CDH12: variants seen among roughly 807,000 people sequenced by gnomAD.
CDH12 encodes the protein cadherin 12, also known as cadherin-12.
A neutral mutation model predicts 74.1 loss-of-function variants in CDH12; 41 were observed. That is an observed-to-expected ratio of 0.55 (90% CI 0.43 to 0.72). The LOEUF (loss-of-function observed/expected upper bound fraction) is 0.72. CDH12 is among the 30% of genes least tolerant of loss of function. CDH12 has a pLI of 0.00. For missense variants in CDH12, 945 were observed against 977.2 expected (o/e 0.97, Z 0.44); for synonymous variants, 399 against 355.0 (o/e 1.12, Z -1.39).
intron 1 of CDH12, among the ~76,000 whole-genome samples, chr5:22,657,300 A>G (rs1740097199): frequency 6.6e-6 from 1 of 152,166 alleles, no homozygotes; most frequent in African/African-American, 2.4e-5. Context: ...GAGATGTAGT[A>G]GCTCTTGTCG....
At chr5:22,458,527 T>C (rs1745380712) in intron 2 of CDH12, among the ~76,000 whole-genome samples, 1 of 152,062 alleles carries the variant, frequency 6.6e-6, no homozygotes, top group Non-Finnish European at 1.5e-5. Flanking sequence ...AAAGAAAAAA[T>C]ACTTCTTTGA....
At chr5:22,102,813 A>C (rs1400599622) in intron 4 of CDH12, among the ~76,000 whole-genome samples, 1 of 152,130 alleles carries the variant, frequency 6.6e-6, no homozygotes. Flanking sequence ...TCCAGAGTAG[A>C]TTCACGCTCT....
chr5:22,844,054 T>C (rs1410235235), intron 1 of CDH12, among the ~76,000 whole-genome samples: 2 of 152,044 alleles, frequency 1.3e-5, no homozygotes, highest in East Asian at 3.9e-4. Flanking sequence ...CCCATGGTTT[T>C]TCCATCCTTC....
intron 1 of CDH12, among the ~76,000 whole-genome samples, chr5:22,733,520 C>A (rs917401307): frequency 1.3e-5 from 2 of 150,916 alleles, no homozygotes; most frequent in South Asian, 2.1e-4. Context: ...CTTCTTTTAA[C>A]ATCTATGAAC....
At chr5:22,757,185 A>C (rs1211345798) in intron 1 of CDH12, among the ~76,000 whole-genome samples, 6 of 152,142 alleles carry the variant, frequency 3.9e-5, no homozygotes, top group Admixed American at 1.3e-4. Context: ...ATGTAGATAA[A>C]AGCTATCTCT....
chr5:22,219,881 C>T (rs1751952676), intron 3 of CDH12, among the ~76,000 whole-genome samples: 1 of 151,656 alleles, frequency 6.6e-6, no homozygotes. Context: ...TAGATACACA[C>T]TAAGAAGATA....
chr5:22,712,460 A>G (rs1457805249), intron 1 of CDH12, among the ~76,000 whole-genome samples: 1 of 143,224 alleles, frequency 7.0e-6, no homozygotes, highest in African/African-American at 2.6e-5. Flanking sequence ...TAATCAATAG[A>G]GGCCTTTTGG....
chr5:22,202,301 G>T (rs1750972685), intron 4 of CDH12, among the ~76,000 whole-genome samples: 1 of 151,980 alleles, frequency 6.6e-6, no homozygotes, highest in Non-Finnish European at 1.5e-5. Context: ...AGAGCTTACA[G>T]TCCCATTGGA....
chr5:22,508,590 C>T (rs1194845128), intron 1 of CDH12, among the ~76,000 whole-genome samples: 1 of 152,144 alleles, frequency 6.6e-6, no homozygotes, highest in Non-Finnish European at 1.5e-5. Flanking sequence ...CATCTGTTGT[C>T]TCTAAGGGCA....
At chr5:22,444,858 T>A (rs1744763046) in intron 2 of CDH12, among the ~76,000 whole-genome samples, 1 of 152,054 alleles carries the variant, frequency 6.6e-6, no homozygotes. Context: ...TTTATACAAA[T>A]TATTTGTTCC....
At chr5:21,877,350 A>G (rs148257448) in intron 6 of CDH12, among the ~76,000 whole-genome samples, 1 of 152,194 alleles carries the variant, frequency 6.6e-6, no homozygotes, top group East Asian at 1.9e-4. Flanking sequence ...CTCATTTTCC[A>G]CTGTCTCTTC....
chr5:21,833,471 T>C (rs1294209221), intron 8 of CDH12, among the ~76,000 whole-genome samples: 1 of 86,388 alleles, frequency 1.2e-5, no homozygotes, highest in Non-Finnish European at 2.2e-5. Context: ...TATATTATTA[T>C]ATATCATATA....
intron 1 of CDH12, among the ~76,000 whole-genome samples, chr5:22,726,157 G>A (rs139244389): frequency 6.6e-4 from 100 of 151,762 alleles, no homozygotes; most frequent in Middle Eastern, 3.4e-3. Context: ...ATCATACAGA[G>A]TATTTCCACT....
At chr5:22,058,986 A>G (rs1740964931) in intron 5 of CDH12, among the ~76,000 whole-genome samples, 1 of 152,110 alleles carries the variant, frequency 6.6e-6, no homozygotes, top group South Asian at 2.1e-4. Context: ...CCTAGTTCCC[A>G]TGTGCTTCTT....
chr5:22,355,475 C>G (rs1467419061), intron 3 of CDH12, among the ~76,000 whole-genome samples: 1 of 148,116 alleles, frequency 6.8e-6, no homozygotes, highest in Non-Finnish European at 1.5e-5. Flanking sequence ...TGCTGAACAC[C>G]CAGACTATTT....
chr5:22,703,727 G>A (rs1247998671), intron 1 of CDH12, among the ~76,000 whole-genome samples: 4 of 152,052 alleles, frequency 2.6e-5, no homozygotes, highest in Non-Finnish European at 5.9e-5. Flanking sequence ...GTCAAAATGA[G>A]TATTGTGAAA....
At chr5:21,784,937 T>A (rs951534394) in intron 10 of CDH12, among the ~76,000 whole-genome samples, 7 of 152,302 alleles carry the variant, frequency 4.6e-5, no homozygotes, top group Middle Eastern at 3.4e-3. Flanking sequence ...CACTGTATCG[T>A]ACTTCACTCC....
intron 5 of CDH12, among the ~76,000 whole-genome samples, chr5:22,001,918 T>C (rs193018609): frequency 1.6e-3 from 243 of 151,878 alleles, no homozygotes; most frequent in African/African-American, 5.8e-3. Flanking sequence ...TGGGTTGCTG[T>C]ATAAGACCCA....
chr5:22,592,298 C>A (rs1365528230), intron 1 of CDH12, among the ~76,000 whole-genome samples: 1 of 152,156 alleles, frequency 6.6e-6, no homozygotes. Flanking sequence ...TGTTGCCCAG[C>A]CTTCTCCTTC....
Sources: gnomAD v4.1 joint callset for allele counts (sites outside exome capture counted in the v4.1 genomes callset) on GRCh38, gnomAD v4.1.1 for gene constraint, MANE v1.5 for transcripts, NCBI Gene and HGNC (gene_info 2026-07-23, HGNC 2026-07-21) for gene names.